NAV1: variants seen among roughly 807,000 people sequenced by gnomAD.
The protein encoded by NAV1 is neuron navigator 1, also known as pore membrane and/or filament interacting like protein 3.
A neutral mutation model predicts 175.2 loss-of-function variants in NAV1; 18 were observed. The observed-to-expected ratio is 0.10, with a 90% CI of 0.07 to 0.15. The LOEUF is 0.15. Ranked by LOEUF, NAV1 falls within the 10% of genes least tolerant of loss-of-function variation. NAV1 has a pLI of 1.00. For missense variants in NAV1, 1,731 were observed against 2,436.6 expected (o/e 0.71, Z 6.10); for synonymous variants, 897 against 978.7 (o/e 0.92, Z 1.56).
At chr1:201,712,623 G>A (rs903135829) in intron 1 of NAV1, among the ~76,000 whole-genome samples, 194 bp from the exon 6 acceptor site, 4 of 152,194 alleles carry the variant, frequency 2.6e-5, no homozygotes, top group African/African-American at 9.7e-5. Context: ...GGTTCAGAGG[G>A]CTCAATGGCA....
intron 3 of NAV1, among the ~76,000 whole-genome samples, chr1:201,769,864 T>C (rs190618536): frequency 3.9e-5 from 6 of 152,246 alleles, no homozygotes; most frequent in African/African-American, 1.4e-4. Context: ...ACAGCTCTTA[T>C]GCATTAAGTA....
rs1459599455 is a variant in NAV1, at chr1:201,782,138, C to A, written c.1664-38C>A. 2 of 1,511,878 alleles carry A rather than the reference C, an allele frequency of 1.3e-6. No homozygotes were observed. Among genetic ancestry groups the A allele is most frequent in the South Asian group, 1.3e-5 (1 of 76,332 alleles). The allele number at this position is 1,511,878 out of a possible 1,614,324, so 93.7% of individuals were successfully genotyped here. On this transcript the variant is annotated intron_variant, in intron 5 of 29. Transcript: ENST00000367296. This position sits in a 1 kb window ranked among gnomAD's most constrained non-coding sequence, Gnocchi z 5.4. ...AAGGGTGGGTTTTTAAGATACTGGT[C>A]AGTTTCAGCTCTTTTCTCATTTCCC...
At chr1:201,569,927 T>G (rs1464514316) in intron 1 of NAV1, among the ~76,000 whole-genome samples, 1 of 152,218 alleles carries the variant, frequency 6.6e-6, no homozygotes, top group Non-Finnish European at 1.5e-5. Context: ...GTTGCTGTTT[T>G]ACTTGTGAAA....
intron 1 of NAV1, among the ~76,000 whole-genome samples, chr1:201,574,878 C>T (rs1571828411): frequency 6.6e-6 from 1 of 152,188 alleles, no homozygotes; most frequent in Non-Finnish European, 1.5e-5. Flanking sequence ...ACACATTGCT[C>T]GGCCTCTGCT....
At chr1:201,664,597 G>C (rs1032874760) in intron 1 of NAV1, among the ~76,000 whole-genome samples, 1 of 152,184 alleles carries the variant, frequency 6.6e-6, no homozygotes, top group Non-Finnish European at 1.5e-5. Context: ...TCCACTATGT[G>C]GGTTTATAGA....
intron 1 of NAV1, among the ~76,000 whole-genome samples, chr1:201,551,207 G>A (rs972575748): frequency 6.6e-6 from 1 of 152,154 alleles, no homozygotes; most frequent in Non-Finnish European, 1.5e-5. Context: ...ATGTATAGCA[G>A]AAGGGGCCAG....
intron 8 of NAV1, 92 bp downstream of exon 12, chr1:201,785,443 G>A: frequency 7.5e-7 from 1 of 1,325,554 alleles, no homozygotes; most frequent in Non-Finnish European, 1.1e-6. Context: ...CTCCAGTCAT[G>A]AATTTAGTCA....
intron 15 of NAV1, 132 bp from the exon 20 acceptor site, chr1:201,803,461 C>T: frequency 3.3e-6 from 3 of 904,676 alleles, no homozygotes; most frequent in Non-Finnish European, 4.9e-6. Flanking sequence ...ATGAATGATC[C>T]AAAAAAATGA....
At chr1:201,627,289 T>TG (rs1281361269) in intron 1 of NAV1, among the ~76,000 whole-genome samples, 2 of 152,008 alleles carry the variant, frequency 1.3e-5, no homozygotes, top group Non-Finnish European at 2.9e-5. Context: ...CTTTTTTTTT[T>TG]TGAAATGGAG....
chr1:201,672,935 G>A (rs984324080), intron 1 of NAV1, among the ~76,000 whole-genome samples: 6 of 152,212 alleles, frequency 3.9e-5, no homozygotes, highest in Admixed American at 6.5e-5. Flanking sequence ...GACGACTGAA[G>A]CCCTTGGGGT....
intron 1 of NAV1, among the ~76,000 whole-genome samples, chr1:201,700,131 A>AC (rs1671353570): frequency 6.6e-6 from 1 of 152,240 alleles, no homozygotes; most frequent in Non-Finnish European, 1.5e-5. Context: ...CAGCAAAAGA[A>AC]ACCACCATCA....
intron 1 of NAV1, among the ~76,000 whole-genome samples, chr1:201,571,656 G>A (rs1212938202): frequency 6.6e-6 from 1 of 152,198 alleles, no homozygotes; most frequent in Non-Finnish European, 1.5e-5. Context: ...GTCAAGAACT[G>A]GAAGCCTGGC....
chr1:201,541,696 C>G (rs903870834), intron 1 of NAV1, among the ~76,000 whole-genome samples: 21 of 152,172 alleles, frequency 1.4e-4, no homozygotes, highest in Non-Finnish European at 2.6e-4. Context: ...ATTGCTTGAA[C>G]CCGGGAGGCA....
At chr1:201,699,010 A>C (rs1038326642) in intron 1 of NAV1, among the ~76,000 whole-genome samples, 1 of 152,272 alleles carries the variant, frequency 6.6e-6, no homozygotes, top group South Asian at 2.1e-4. Context: ...ACTTTATAGA[A>C]GAAGAGCCAG....
At chr1:201,623,955 A>G (rs1446624223) in intron 1 of NAV1, among the ~76,000 whole-genome samples, 1 of 152,218 alleles carries the variant, frequency 6.6e-6, no homozygotes, top group East Asian at 1.9e-4. Context: ...GCAGCTAGAT[A>G]CATAGGCAGT....
rs751158000 is a variant in NAV1 at position 201,782,522 on chromosome 1, C to T, written c.2010C>T (p.Tyr670=). 6.2e-7 allele frequency: 1 copy of T among 1,612,178 alleles called. No individual in the cohort carries two copies. The highest frequency in any genetic ancestry group is 1.1e-5 in the South Asian group (1 of 91,068). Residue 670 remains tyrosine (Y), a synonymous_variant, in exon 6 of 30, where the codon TAC becomes TAT. Coordinates refer to ENST00000367296, the Ensembl canonical transcript of NAV1. The surrounding 1 kb of genome is among the most constrained non-coding windows in gnomAD (Gnocchi z 5.4). ...CTGGAGCCCGTTCTAACATCCAGTA[C>T]CGCAGCCTGCCCCGGCCAGCCAAGT...
intron 1 of NAV1, among the ~76,000 whole-genome samples, chr1:201,583,169 CT>C (rs1316467704): frequency 6.6e-6 from 1 of 152,278 alleles, no homozygotes; most frequent in Non-Finnish European, 1.5e-5. Context: ...ATTTCTTAGC[CT>C]CCTCCCTGCC....
chr1:201,733,129 C>T (rs186124823), intron 3 of NAV1, among the ~76,000 whole-genome samples: 2 of 151,076 alleles, frequency 1.3e-5, no homozygotes, highest in East Asian at 2.0e-4. Context: ...GCCTGTAATC[C>T]CAGCATTTTT....
At chr1:201,817,389 G>T (rs1679109186) in intron 29 of NAV1, 104 bp downstream of exon 33, 1 of 1,080,854 alleles carries the variant, frequency 9.3e-7, no homozygotes, top group East Asian at 2.6e-5. Context: ...GAGAGGCTGA[G>T]GTGGGAGGAT....
Sources: allele counts gnomAD v4.1 joint callset (sites outside exome capture counted in the v4.1 genomes callset), GRCh38; gene constraint gnomAD v4.1.1; non-coding constraint Gnocchi (gnomAD v3.1); transcripts MANE v1.5; gene names NCBI Gene and HGNC (gene_info 2026-07-23, HGNC 2026-07-21).